Variants in PLXNA4 observed in about 807,000 individuals in gnomAD.
The protein encoded by PLXNA4 is plexin A4.
Under a neutral mutation model 191.8 loss-of-function variants are expected in PLXNA4, and 44 were observed. The ratio of observed to expected loss-of-function variants is 0.23; its 90% CI spans 0.18 to 0.29. PLXNA4 has a LOEUF of 0.29. Ranked by LOEUF, PLXNA4 falls within the 10% of genes least tolerant of loss-of-function variation. The probability of loss-of-function intolerance (pLI) is 1.00; values close to 1 mark genes in which losing one functional copy is unlikely to be tolerated. For missense variants in PLXNA4, 1,800 were observed against 2,488.8 expected (o/e 0.72, Z 5.89); for synonymous variants, 1,082 against 1,009.5 (o/e 1.07, Z -1.36).
chr7:132,168,561 G>A lies in PLXNA4; in HGVS notation c.4029C>T (p.Tyr1343=). ...PVLRDLEVPG[Y]RQERVEKGLK... ...GGCCTTTCTCCACACGCTCCTGCCG[G>A]TAGCCCGGGACCTGCAGAGAGACCT... The change falls in exon 22 of 32, where the codon TAC becomes TAT. Residue 1343 remains tyrosine (Y), a synonymous_variant. Transcript: ENST00000321063. 4.4e-6 allele frequency: 7 copies of A among 1,584,154 alleles called. No homozygotes were observed. The highest frequency in any genetic ancestry group is 6.0e-6 in the Non-Finnish European group (7 of 1,163,620).
chr7:132,563,126 C>G (rs1209400733), intron 1 of PLXNA4, among the ~76,000 whole-genome samples: 1 of 96,934 alleles, frequency 1.0e-5, no homozygotes, highest in African/African-American at 3.9e-5. Context: ...TCCTCCTTCT[C>G]CTCCTCCTCC....
At chr7:132,490,423 C>CTTTTTTTTTT (rs35467841) in intron 2 of PLXNA4, among the ~76,000 whole-genome samples, 2 of 110,504 alleles carry the variant, frequency 1.8e-5, no homozygotes, top group African/African-American at 3.7e-5. Context: ...CCTTTTCTTC[C>CTTTTTTTTTT]TTTTTTTTTT....
At chr7:132,242,220 T>C (rs1798904528) in intron 4 of PLXNA4, among the ~76,000 whole-genome samples, 1 of 152,058 alleles carries the variant, frequency 6.6e-6, no homozygotes, top group Non-Finnish European at 1.5e-5. Flanking sequence ...TGGAGAATCC[T>C]GCCTGATGTT....
At chr7:132,584,588 G>A (rs1254020302) in intron 2 of PLXNA4, among the ~76,000 whole-genome samples, 2 of 152,136 alleles carry the variant, frequency 1.3e-5, no homozygotes, top group African/African-American at 4.8e-5. Context: ...TATGTATGCT[G>A]CTCTGAAAAA....
In PLXNA4 at chr7:132,164,145, G is replaced by A; in HGVS notation, c.4497C>T (p.Thr1499=). 3.7e-6 allele frequency: 6 copies of A among 1,613,898 alleles called. No individual in the cohort carries two copies. Among genetic ancestry groups the A allele is most frequent in the Non-Finnish European group, 5.1e-6 (6 of 1,180,032 alleles). Residue 1499 remains threonine, a synonymous_variant, in exon 24 of 32, where the codon ACC becomes ACT. Transcript: ENST00000321063. ...GGAAACAGATGGGTGGGCTCACCAGGGTTTTGTAGTCAATCTGCTGGCGGA... is the reference window on the plus strand; with the variant it reads ...GGAAACAGATGGGTGGGCTCACCAGAGTTTTGTAGTCAATCTGCTGGCGGA... The part of the protein sequence containing the change: ...KLIRQQIDYK[T]LVLSCVSPDN...
intron 2 of PLXNA4, among the ~76,000 whole-genome samples, chr7:132,610,891 T>C (rs1011609539): frequency 5.3e-5 from 8 of 152,192 alleles, no homozygotes; most frequent in Non-Finnish European, 1.0e-4. Context: ...CCACTTGTAA[T>C]GTGGATGAGC....
intron 3 of PLXNA4, among the ~76,000 whole-genome samples, chr7:132,403,609 A>AC (rs1449036450): frequency 6.6e-6 from 1 of 151,906 alleles, no homozygotes; most frequent in Non-Finnish European, 1.5e-5. Context: ...TTAAATTGGG[A>AC]CTTTTTTTTC....
At chr7:132,493,863 A>C (rs1265226911) in intron 2 of PLXNA4, among the ~76,000 whole-genome samples, 3 of 152,142 alleles carry the variant, frequency 2.0e-5, no homozygotes, top group Admixed American at 1.3e-4. Flanking sequence ...CCAGAACCAA[A>C]GTGCTTAGGT....
chr7:132,212,252 G>A lies in PLXNA4; in HGVS notation c.2098-1109C>T, dbSNP rs140008963. 3.0e-3 allele frequency among the ~76,000 whole-genome samples: 462 copies of A among 152,244 alleles called. 2 individuals carry two copies. Among genetic ancestry groups the A allele is most frequent in the Admixed American group, 4.4e-3 (67 of 15,278 alleles). On this transcript the variant is annotated intron_variant, in intron 9 of 31. Transcript: ENST00000321063. ...GGGCTCACCACCAACTCTCAGCAGAGGCTTCTCACCCCGCACCTTAACACT... is the reference window on the plus strand; with the variant it reads ...GGGCTCACCACCAACTCTCAGCAGAAGCTTCTCACCCCGCACCTTAACACT...
chr7:132,605,033 C>G (rs1286944031), intron 2 of PLXNA4, among the ~76,000 whole-genome samples: 1 of 152,198 alleles, frequency 6.6e-6, no homozygotes, highest in Non-Finnish European at 1.5e-5. Context: ...GGCAAGTGTC[C>G]TCAGCACTCA....
At chr7:132,313,601 G>A (rs927918974) in intron 3 of PLXNA4, among the ~76,000 whole-genome samples, 1 of 152,150 alleles carries the variant, frequency 6.6e-6, no homozygotes, top group African/African-American at 2.4e-5. Flanking sequence ...GAAAGAAGAA[G>A]TGCGGGTCTG....
intron 3 of PLXNA4, among the ~76,000 whole-genome samples, chr7:132,452,466 G>A (rs894525972): frequency 1.3e-5 from 2 of 152,176 alleles, no homozygotes; most frequent in Non-Finnish European, 2.9e-5. Context: ...GGAAAGCGAT[G>A]GTGGCCATGA....
intron 4 of PLXNA4, among the ~76,000 whole-genome samples, chr7:132,293,318 T>A (rs1305040673): frequency 2.0e-5 from 3 of 151,688 alleles, no homozygotes; most frequent in African/African-American, 7.3e-5. Context: ...GGACTCAGAG[T>A]TTCATGTGGC....
chr7:132,135,799 CCT>C (rs1563050326), intron 30 of PLXNA4, among the ~76,000 whole-genome samples: 2 of 152,086 alleles, frequency 1.3e-5, no homozygotes, highest in Admixed American at 6.6e-5. Context: ...AACACATCAT[CCT>C]CTCTCTCAGG....
chr7:132,413,086 C>T (rs1794525394), intron 3 of PLXNA4, among the ~76,000 whole-genome samples: 1 of 152,092 alleles, frequency 6.6e-6, no homozygotes, highest in African/African-American at 2.4e-5. Context: ...ACAGTTCATT[C>T]CCGACACTGT....
chr7:132,282,417 A>T (rs1230367471), intron 4 of PLXNA4, among the ~76,000 whole-genome samples: 1 of 151,904 alleles, frequency 6.6e-6, no homozygotes, highest in African/African-American at 2.4e-5. Flanking sequence ...TACAAAAAAT[A>T]CAAAAATTAA....
At chr7:132,425,979 A>C (rs1191109961) in intron 3 of PLXNA4, among the ~76,000 whole-genome samples, 1 of 152,180 alleles carries the variant, frequency 6.6e-6, no homozygotes, top group Non-Finnish European at 1.5e-5. Flanking sequence ...AAACTGAGAA[A>C]ACTCTTCATA....
intron 1 of PLXNA4, among the ~76,000 whole-genome samples, chr7:132,561,003 GTCTTGTTGATTCTCT>G (rs1362605155): frequency 3.3e-5 from 5 of 152,020 alleles, no homozygotes; most frequent in Admixed American, 1.3e-4. Flanking sequence ...TACAAATCTG[GTCTTGTTGATTCTCT>G]TCCTTGGAGA....
At chr7:132,328,883 G>C (rs1207378092) in intron 3 of PLXNA4, among the ~76,000 whole-genome samples, 2 of 152,154 alleles carry the variant, frequency 1.3e-5, no homozygotes, top group African/African-American at 4.8e-5. Flanking sequence ...ATGAGGAGGG[G>C]GTGTCTTCTC....
Sources: allele counts gnomAD v4.1 joint callset (sites outside exome capture counted in the v4.1 genomes callset), GRCh38; gene constraint gnomAD v4.1.1; transcripts MANE v1.5; gene names NCBI Gene and HGNC (gene_info 2026-07-23, HGNC 2026-07-21).